Variants in CTCF observed in about 807,000 individuals in gnomAD.
CTCF encodes transcriptional repressor CTCF.
In CTCF, 7 loss-of-function variants were observed where a neutral mutation model predicts 72.3. That is an observed-to-expected ratio of 0.10 (90% CI 0.06 to 0.18). The LOEUF is 0.18. Among genes scored for constraint, CTCF ranks in the 10% least tolerant of loss-of-function variants. The pLI is 1.00. For synonymous variants in CTCF, 374 were observed against 315.8 expected (o/e 1.18, Z -1.95); for missense variants, 516 against 949.1 (o/e 0.54, Z 6.00).
rs1193834285 is a variant in CTCF at position 67,638,966 on chromosome 16, CTT to C, written c.*1099_*1100del. ...GCCTCAGTCTTACTGATTTCAAACA[CTT>C]TTTTCTTCTGTGTATTGCTTTTAAG... On this transcript the variant is annotated 3_prime_UTR_variant, in exon 12 of 12. Transcript: ENST00000264010. 2 of 203,058 alleles carry C rather than the reference CTT, an allele frequency of 9.8e-6. No homozygotes were observed. The highest frequency in any genetic ancestry group is 2.3e-5 in the African/African-American group (1 of 43,618). 12.6% of individuals were successfully genotyped at this position (203,058 alleles called of 1,614,324 possible).
intron 9 of CTCF, 57 bp from the exon 10 acceptor site, chr16:67,629,340 TC>T (rs1183984574): frequency 3.3e-6 from 5 of 1,516,444 alleles, no homozygotes; most frequent in African/African-American, 1.4e-5. Context: ...GTAAATAACT[TC>T]CAATCTGATC....
At chr16:67,629,110 C>G (rs990976693) in intron 9 of CTCF, among the ~76,000 whole-genome samples, 1 of 151,784 alleles carries the variant, frequency 6.6e-6, no homozygotes, top group South Asian at 2.1e-4. Context: ...CCTACCCCAC[C>G]CTTAGCTAGC....
intron 2 of CTCF, among the ~76,000 whole-genome samples, chr16:67,609,663 G>T (rs930395008): frequency 1.4e-5 from 2 of 143,014 alleles, no homozygotes; most frequent in African/African-American, 5.2e-5. Context: ...TCGCTCTGTC[G>T]CCCAGGCTGG....
At chr16:67,610,661 G>A in intron 2 of CTCF, 163 bp from the exon 3 acceptor site, 1 of 412,060 alleles carries the variant, frequency 2.4e-6, no homozygotes, top group Non-Finnish European at 4.0e-6. Context: ...GCCAGTAGTG[G>A]TTGTTTCTTT....
At chr16:67,601,249 TG>T (rs1267831175) in intron 2 of CTCF, among the ~76,000 whole-genome samples, 48 of 143,784 alleles carry the variant, frequency 3.3e-4, no homozygotes, top group Non-Finnish European at 5.5e-4. Context: ...TGTGTGTGTG[TG>T]TGTGTTTTGT....
chr16:67,584,615 C>A (rs116283790), intron 2 of CTCF, among the ~76,000 whole-genome samples: 1,522 of 151,840 alleles, frequency 0.01, 28 homozygotes, highest in African/African-American at 0.034. Flanking sequence ...CGTGAGCCAC[C>A]GCATCTGGCC....
chr16:67,590,113 C>CT lies in CTCF; in HGVS notation c.-10+18865dup, dbSNP rs201207895. 1.0e-2 allele frequency among the ~76,000 whole-genome samples: 1,409 copies of CT among 141,530 alleles called. 16 individuals are homozygous for CT. The highest frequency in any genetic ancestry group is 0.027 in the African/African-American group (1,052 of 38,662). The allele number at this position is 141,530 out of a possible 152,430, so 92.8% of individuals were successfully genotyped here. ...AAAAAAAGAAAAAGAACAGTTAGAA[C>CT]TTTTTTTTTTTTTTTTAAAGAAGAG... is the stretch of plus-strand genomic sequence containing the variant. On this transcript the variant is annotated intron_variant, in intron 2 of 11. Coordinates refer to ENST00000264010, the MANE Select transcript of CTCF (RefSeq NM_006565.4).
chr16:67,588,788 G>A (rs1242529337), intron 2 of CTCF, among the ~76,000 whole-genome samples: 1 of 152,118 alleles, frequency 6.6e-6, no homozygotes, highest in African/African-American at 2.4e-5. Context: ...CTGGGTTCAA[G>A]CGATTCTCAT....
chr16:67,615,548 A>C (rs1265201197), intron 4 of CTCF: 2 of 152,034 alleles, frequency 1.3e-5, no homozygotes, highest in Non-Finnish European at 2.9e-5. Flanking sequence ...CTGGGAAGTC[A>C]AGGCTGCAGT....
At chr16:67,610,785 T>A in intron 2 of CTCF, 39 bp from the exon 3 acceptor site, 1 of 1,347,954 alleles carries the variant, frequency 7.4e-7, no homozygotes. Context: ...TTAGACATGC[T>A]TTGCTTTAAA....
rs1475079030 is a variant in CTCF, at chr16:67,638,167, C to T, written c.*295C>T. ...TAGATGGAAACGGAGACATTGACCC[C>T]TCCCTCCATGTGGTAAACCACTCCA... is the stretch of plus-strand genomic sequence containing the variant. On this transcript the variant is annotated 3_prime_UTR_variant, in exon 12 of 12. Transcript: ENST00000264010. 3.0e-6 allele frequency: 1 copy of T among 336,590 alleles called. No homozygotes were observed. The highest frequency in any genetic ancestry group is 5.4e-6 in the Non-Finnish European group (1 of 184,588). The allele number at this position is 336,590 out of a possible 1,614,324, so 20.9% of individuals were successfully genotyped here. A position where few individuals can be genotyped will look rare whatever the true frequency, so the allele number is the denominator to read the frequency against.
intron 2 of CTCF, among the ~76,000 whole-genome samples, chr16:67,592,597 C>T (rs1266095732): frequency 6.6e-6 from 1 of 151,388 alleles, no homozygotes; most frequent in East Asian, 1.9e-4. Flanking sequence ...CCCAGCCACT[C>T]GGGAGGCTGA....
chr16:67,598,857 C>G (rs986657161), intron 2 of CTCF, among the ~76,000 whole-genome samples: 1 of 152,202 alleles, frequency 6.6e-6, no homozygotes, highest in Non-Finnish European at 1.5e-5. Context: ...AGAAAAGCCT[C>G]GGTGGATTTA....
At chr16:67,616,482 T>C in intron 4 of CTCF, 1 of 411,148 alleles carries the variant, frequency 2.4e-6, no homozygotes, top group Admixed American at 3.8e-5. Context: ...TAAGAAGGTT[T>C]TTATTGTATT....
At chr16:67,635,189 T>G (rs2052413554) in intron 10 of CTCF, among the ~76,000 whole-genome samples, 1 of 151,580 alleles carries the variant, frequency 6.6e-6, no homozygotes, top group Non-Finnish European at 1.5e-5. Context: ...ACCCGGCTAA[T>G]TTTTTGTATT....
chr16:67,636,572 T>G (rs2052432537), intron 10 of CTCF, 118 bp from the exon 11 acceptor site: 1 of 267,832 alleles, frequency 3.7e-6, no homozygotes, highest in Admixed American at 6.0e-5. Flanking sequence ...AGAAAGTGTA[T>G]ATATATATAT....
intron 2 of CTCF, among the ~76,000 whole-genome samples, chr16:67,582,772 AT>A (rs968548911): frequency 3.3e-5 from 5 of 149,868 alleles, no homozygotes; most frequent in Admixed American, 1.3e-4. Context: ...AGACTTTGAG[AT>A]TTTTTTTTTA....
At chr16:67,586,201 G>A (rs2051666709) in intron 2 of CTCF, among the ~76,000 whole-genome samples, 1 of 152,082 alleles carries the variant, frequency 6.6e-6, no homozygotes, top group Admixed American at 6.6e-5. Flanking sequence ...AGGAGTTTGA[G>A]AACAGCCTGG....
chr16:67,628,608 C>A, intron 9 of CTCF, 56 bp downstream of exon 9: 1 of 1,558,506 alleles, frequency 6.4e-7, no homozygotes, highest in South Asian at 1.1e-5. Flanking sequence ...GATTTTTGGT[C>A]TTCCTCTGCA....
Sources: allele counts gnomAD v4.1 joint callset (sites outside exome capture counted in the v4.1 genomes callset), GRCh38; gene constraint gnomAD v4.1.1; transcripts MANE v1.5; gene names NCBI Gene and HGNC (gene_info 2026-07-23, HGNC 2026-07-21).